Variants in KLHL8 observed in about 807,000 individuals in gnomAD.
KLHL8 encodes the protein kelch-like protein 8.
Under a neutral mutation model 63.5 loss-of-function variants are expected in KLHL8, and 38 were observed. That is an observed-to-expected ratio of 0.60 (90% CI 0.46 to 0.78). The LOEUF (loss-of-function observed/expected upper bound fraction) is 0.78, where lower values mean the gene tolerates loss of function less well. KLHL8 is among the 30% of genes least tolerant of loss of function. The pLI is 0.00. For missense variants in KLHL8, 566 were observed against 752.4 expected, an observed-to-expected ratio of 0.75 and a Z score of 2.90; for synonymous variants, 224 against 254.3, an observed-to-expected ratio of 0.88 and a Z score of 1.13.
chr4:87,228,675 A>G (rs1341490524), intron 1 of KLHL8, among the ~76,000 whole-genome samples: 1 of 152,260 alleles, frequency 6.6e-6, no homozygotes, highest in East Asian at 1.9e-4. Flanking sequence ...AAGAAGGTAC[A>G]AAAGTCAGGA....
intron 1 of KLHL8, among the ~76,000 whole-genome samples, chr4:87,216,992 C>T (rs891718965): frequency 2.6e-5 from 4 of 152,156 alleles, no homozygotes; most frequent in African/African-American, 9.7e-5. Context: ...GCCATGCTCA[C>T]ACAGCCAATA....
At chr4:87,207,148 T>C in intron 1 of KLHL8, 1 of 559,100 alleles carries the variant, frequency 1.8e-6, no homozygotes, top group Non-Finnish European at 3.4e-6. Flanking sequence ...TCACCAGGGT[T>C]GCTTTTAACT....
In KLHL8 at chr4:87,175,568, G is replaced by A. The variant is rs143019823; in HGVS notation, c.1208+1189C>T. Among the ~76,000 whole-genome samples the A allele has an allele frequency of 3.0e-3, 464 of 152,136 alleles. 1 individual carries two copies. The highest frequency in any genetic ancestry group is 7.7e-3 in the African/African-American group (318 of 41,504). ...GTCTAGAGTATATGTGGTCTACTCC[G>A]TCTTTGGAATCCTGATTTGGTCACA... is the stretch of plus-strand genomic sequence containing the variant. On this transcript the variant is annotated intron_variant, in intron 6 of 9. Transcript: ENST00000273963.
chr4:87,163,467 T>C lies in KLHL8; in HGVS notation c.*52A>G. 6.3e-7 allele frequency: 1 copy of C among 1,581,832 alleles called. No individual in the cohort carries two copies. The highest frequency in any genetic ancestry group is 1.4e-5 in the African/African-American group (1 of 73,884). ...AAGGTGGTCATATCAAAATCTTGGT[T>C]TTCTTTTGTACCTATCAGATATGAC... On this transcript the variant is annotated 3_prime_UTR_variant, in exon 10 of 10. Transcript: ENST00000273963.
chr4:87,230,369 C>G (rs888605395), intron 1 of KLHL8, among the ~76,000 whole-genome samples: 60 of 152,254 alleles, frequency 3.9e-4, no homozygotes, highest in African/African-American at 1.4e-3. Context: ...TCATCCATAA[C>G]GTTTTCTGGC....
intron 1 of KLHL8, among the ~76,000 whole-genome samples, chr4:87,213,707 A>T (rs1252268835): frequency 6.6e-6 from 1 of 152,248 alleles, no homozygotes; most frequent in Admixed American, 6.5e-5. Context: ...AAAAACAGGC[A>T]GCAAGCTTGG....
intron 1 of KLHL8, among the ~76,000 whole-genome samples, chr4:87,215,855 T>C (rs1732574705): frequency 1.3e-5 from 2 of 152,222 alleles, no homozygotes; most frequent in Admixed American, 1.3e-4. Flanking sequence ...ATCCATCTTT[T>C]CAAACTAGCA....
intron 8 of KLHL8, among the ~76,000 whole-genome samples, chr4:87,165,039 C>CGAG (rs1730335793): frequency 6.6e-6 from 1 of 151,082 alleles, no homozygotes; most frequent in South Asian, 2.1e-4. Context: ...GTCCCAGCTA[C>CGAG]TCGGGAGGCT....
intron 3 of KLHL8, among the ~76,000 whole-genome samples, chr4:87,184,500 T>G (rs1731176397): frequency 1.3e-5 from 2 of 152,174 alleles, no homozygotes. Flanking sequence ...CTGAGTGCTT[T>G]TATCAAGCAC....
intron 1 of KLHL8, among the ~76,000 whole-genome samples, chr4:87,208,710 T>C (rs867476039): frequency 3.3e-5 from 5 of 152,186 alleles, no homozygotes; most frequent in Non-Finnish European, 2.9e-5. Context: ...GTATCACTAA[T>C]ATCTTATTTT....
chr4:87,227,285 G>A (rs535030274), intron 1 of KLHL8, among the ~76,000 whole-genome samples: 15 of 151,922 alleles, frequency 9.9e-5, no homozygotes, highest in South Asian at 4.2e-4. Context: ...TATCTCTCTC[G>A]TTTTTCTTTC....
rs758818839 is a variant in KLHL8 at position 87,163,858 on chromosome 4, G to A, written c.1739+20C>T. On this transcript the variant is annotated intron_variant, in intron 9 of 9. Transcript: ENST00000273963. ...TATACCAGAAGATAATATAAAGCAC[G>A]GAGACAACATGTAAATTACCTATTC... is the stretch of plus-strand genomic sequence containing the variant. The A allele has an allele frequency of 8.1e-6, 13 of 1,607,268 alleles. No homozygotes were observed. The highest frequency in any genetic ancestry group is 1.7e-5 in the Admixed American group (1 of 59,956).
chr4:87,237,693 G>A (rs964409627), intron 1 of KLHL8, among the ~76,000 whole-genome samples: 8 of 152,080 alleles, frequency 5.3e-5, no homozygotes, highest in African/African-American at 1.9e-4. Flanking sequence ...TGAGTATGGT[G>A]GCATGCACCT....
At position 87,235,009 on chromosome 4, in the gene KLHL8, CTAAAGTTTA is replaced by C. The variant is rs527697283; in HGVS notation, n.57+5240_57+5248del. On this transcript the variant is annotated intron_variant and non_coding_transcript_variant, in intron 1 of 1. Coordinates refer to the KLHL8 transcript ENST00000506274. The stretch of plus-strand genomic sequence containing the variant: ...TTTTTGAATGGCTGTACAGTGTGTT[CTAAAGTTTA>C]TAAAGTTTATAAAGTAAAATAATTA... Among the ~76,000 whole-genome samples, 656 of 152,146 alleles carry C rather than the reference CTAAAGTTTA, an allele frequency of 4.3e-3. 3 individuals carry two copies. The highest frequency in any genetic ancestry group is 0.015 in the African/African-American group (627 of 41,502).
rs1323657999 is a variant in KLHL8 at position 87,170,544 on chromosome 4, A to G, written c.1280T>C (p.Phe427Ser). 6.2e-7 allele frequency: 1 copy of G among 1,614,086 alleles called. No individual in the cohort carries two copies. Among genetic ancestry groups the G allele is most frequent in the East Asian group, 2.2e-5 (1 of 44,884 alleles). Residue 427 changes from phenylalanine (F) to serine (S), a missense_variant, in exon 7 of 10, where the codon TTC becomes TCC. Transcript: ENST00000273963. ...TATGTCATATCTCTCCACATCATTGAAGCAAGTATTGTCATCTAACCCTCC... is the reference window on the plus strand; with the variant it reads ...TATGTCATATCTCTCCACATCATTGGAGCAAGTATTGTCATCTAACCCTCC... ...AIGGLDDNTC[F>S]NDVERYDIES...
rs201221049 is a variant in KLHL8 at position 87,226,621 on chromosome 4, A to AATATATATATTATTTATATAAATAAT, written n.58-5232_58-5231insATTATTTATATAAATAATATATATAT. ...TAATATATATATTATTTATATAAAT[A>AATATATATATTATTTATATAAATAAT]ATATATATTACTTATATAAATAATA... On this transcript the variant is annotated intron_variant and non_coding_transcript_variant, in intron 1 of 1. Transcript: ENST00000506274. Among the ~76,000 whole-genome samples the AATATATATATTATTTATATAAATAAT allele has an allele frequency of 1.0e-2, 493 of 49,380 alleles. 65 individuals are homozygous for AATATATATATTATTTATATAAATAAT. Among genetic ancestry groups the AATATATATATTATTTATATAAATAAT allele is most frequent in the Non-Finnish European group, 0.014 (417 of 29,714 alleles). The allele number at this position is 49,380 out of a possible 152,430, so 32.4% of individuals were successfully genotyped here. A position where few individuals can be genotyped will look rare whatever the true frequency, so the allele number is the denominator to read the frequency against.
At position 87,183,282 on chromosome 4, in the gene KLHL8, A is replaced by G. The variant is rs1197465087; in HGVS notation, c.873T>C (p.Asn291=). The G allele has an allele frequency of 6.2e-7, 1 of 1,613,942 alleles. No homozygotes were observed. Among genetic ancestry groups the G allele is most frequent in the Admixed American group, 1.7e-5 (1 of 60,014 alleles). The part of the protein sequence containing the change: ...KCRDLLDEAR[N]YHLHLSSRAV... ...CTCTGCTACTCAAGTGAAGGTGGTAATTTCTTGCTTCATCCAGTAAATCTC... is the reference window on the plus strand; with the variant it reads ...CTCTGCTACTCAAGTGAAGGTGGTAGTTTCTTGCTTCATCCAGTAAATCTC... The change falls in exon 4 of 10, where the codon AAT becomes AAC. Residue 291 remains asparagine (N), a synonymous_variant. Coordinates refer to ENST00000273963, the MANE Select transcript of KLHL8 (RefSeq NM_020803.5).
intron 1 of KLHL8, among the ~76,000 whole-genome samples, chr4:87,218,964 T>C (rs1052658533): frequency 7.9e-5 from 12 of 151,944 alleles, no homozygotes; most frequent in African/African-American, 2.9e-4. Context: ...TCGAAAATCC[T>C]GACCTCAAGT....
At chr4:87,201,409 A>C (rs1422321168) in intron 1 of KLHL8, among the ~76,000 whole-genome samples, 1 of 152,246 alleles carries the variant, frequency 6.6e-6, no homozygotes, top group East Asian at 1.9e-4. Context: ...AAAGAACTAA[A>C]GGGAGAAACA....
Sources: allele counts gnomAD v4.1 joint callset (sites outside exome capture counted in the v4.1 genomes callset), GRCh38; gene constraint gnomAD v4.1.1; transcripts MANE v1.5; gene names NCBI Gene and HGNC (gene_info 2026-07-23, HGNC 2026-07-21).